The following SLC35F1 variants were observed in gnomAD, a reference collection of about 807,000 sequenced individuals.
SLC35F1 encodes the protein chromosome 6 open reading frame 169.
A neutral mutation model predicts 48.7 loss-of-function variants in SLC35F1; 14 were observed. The ratio of observed to expected loss-of-function variants is 0.29; its 90% CI spans 0.19 to 0.45. The LOEUF (loss-of-function observed/expected upper bound fraction) is 0.45, where lower values mean the gene tolerates loss of function less well. SLC35F1 is among the 20% of genes least tolerant of loss of function. The probability of loss-of-function intolerance (pLI) is 1.00; values close to 1 mark genes in which losing one functional copy is unlikely to be tolerated. For synonymous variants in SLC35F1, 190 were observed against 202.2 expected (o/e 0.94, Z 0.51); for missense variants, 404 against 500.0 (o/e 0.81, Z 1.83).
chr6:117,939,008 C>CT (rs576443846), intron 1 of SLC35F1, among the ~76,000 whole-genome samples: 73,362 of 132,058 alleles, frequency 0.56, 22,290 homozygotes, highest in South Asian at 0.81. Flanking sequence ...AATTCTTGTT[C>CT]TTTTTTTTTT....
chr6:117,946,593 A>C (rs541137481), intron 1 of SLC35F1, among the ~76,000 whole-genome samples: 1 of 152,340 alleles, frequency 6.6e-6, no homozygotes, highest in East Asian at 1.9e-4. Context: ...GACAACCTAC[A>C]TGTAAACTCT....
intron 2 of SLC35F1, among the ~76,000 whole-genome samples, chr6:118,212,722 G>GAAGGA (rs1196518520): frequency 3.6e-4 from 45 of 126,026 alleles, no homozygotes; most frequent in Non-Finnish European, 5.0e-4. Flanking sequence ...AGGAAGGAAG[G>GAAGGA]AAGGAAAGGA....
At position 117,992,903 on chromosome 6, in the gene SLC35F1, G is replaced by T. The variant is rs532389580; in HGVS notation, c.173+85004G>T. Among the ~76,000 whole-genome samples the T allele has an allele frequency of 2.0e-5, 3 of 152,274 alleles. No individual in the cohort carries two copies. In the East Asian group the frequency reaches 5.8e-4, roughly 29 times the overall value. On this transcript the variant is annotated intron_variant, in intron 1 of 7. Transcript: ENST00000360388. ...AGATAGGAATTTTGCAGATGGCATTGGGCCATGCTTCATTTCTGGTCAAAT... is the reference window on the plus strand; with the variant it reads ...AGATAGGAATTTTGCAGATGGCATTTGGCCATGCTTCATTTCTGGTCAAAT...
chr6:118,113,652 T>C (rs976876792), intron 1 of SLC35F1, among the ~76,000 whole-genome samples: 7 of 152,358 alleles, frequency 4.6e-5, no homozygotes, highest in Non-Finnish European at 1.0e-4. Context: ...CAGGCAAAGC[T>C]GACTTCACAG....
intron 2 of SLC35F1, among the ~76,000 whole-genome samples, chr6:118,166,487 T>C (rs910070786): frequency 2.6e-5 from 4 of 152,232 alleles, no homozygotes; most frequent in Non-Finnish European, 5.9e-5. Context: ...TCGGGATGAT[T>C]ATAGCACAGC....
chr6:118,304,778 T>A (rs1361639811), intron 7 of SLC35F1, among the ~76,000 whole-genome samples: 1 of 151,784 alleles, frequency 6.6e-6, no homozygotes, highest in Admixed American at 6.6e-5. Context: ...ATTATTGTCC[T>A]TAGTTAACTG....
intron 1 of SLC35F1, among the ~76,000 whole-genome samples, chr6:118,153,967 T>C (rs1774100505): frequency 6.6e-6 from 1 of 152,162 alleles, no homozygotes; most frequent in Non-Finnish European, 1.5e-5. Flanking sequence ...TTTCAATCTA[T>C]AAAGAAAAGA....
intron 2 of SLC35F1, among the ~76,000 whole-genome samples, chr6:118,220,778 A>G (rs993400437): frequency 1.3e-5 from 2 of 152,202 alleles, no homozygotes; most frequent in Non-Finnish European, 2.9e-5. Flanking sequence ...AGAAGTAAAT[A>G]AACATTTATA....
intron 1 of SLC35F1, among the ~76,000 whole-genome samples, chr6:118,057,089 A>G (rs1423625095): frequency 2.0e-5 from 3 of 152,164 alleles, no homozygotes; most frequent in Non-Finnish European, 4.4e-5. Context: ...TTTGGGAGTG[A>G]TTACCTCTGC....
At chr6:118,300,729 C>T (rs1413770942) in intron 7 of SLC35F1, among the ~76,000 whole-genome samples, 1 of 152,158 alleles carries the variant, frequency 6.6e-6, no homozygotes. Context: ...TATTTAAGAA[C>T]TCTTCACTCA....
intron 2 of SLC35F1, among the ~76,000 whole-genome samples, chr6:118,223,502 G>A (rs1441538473): frequency 6.6e-6 from 1 of 152,184 alleles, no homozygotes; most frequent in African/African-American, 2.4e-5. Context: ...GGTCTCTCTG[G>A]CTCCATGCTC....
At chr6:117,973,177 C>G (rs1776664958) in intron 1 of SLC35F1, among the ~76,000 whole-genome samples, 1 of 152,178 alleles carries the variant, frequency 6.6e-6, no homozygotes, top group Non-Finnish European at 1.5e-5. Context: ...CACCTTCTTG[C>G]TGTGCTTTCA....
intron 1 of SLC35F1, among the ~76,000 whole-genome samples, chr6:118,080,831 G>A (rs908066712): frequency 6.6e-6 from 1 of 152,178 alleles, no homozygotes; most frequent in East Asian, 1.9e-4. Flanking sequence ...AGCTCAGAGA[G>A]TAAGGCAGAA....
chr6:118,170,798 CAGTA>C (rs1249517872), intron 2 of SLC35F1, among the ~76,000 whole-genome samples: 5 of 151,996 alleles, frequency 3.3e-5, no homozygotes, highest in Non-Finnish European at 7.4e-5. Flanking sequence ...TGAATATAAA[CAGTA>C]AGTGTTTATG....
intron 1 of SLC35F1, among the ~76,000 whole-genome samples, chr6:118,075,230 T>A (rs1772801429): frequency 6.6e-6 from 1 of 152,228 alleles, no homozygotes; most frequent in Non-Finnish European, 1.5e-5. Flanking sequence ...TCAGAACATT[T>A]CTCACTTTTA....
intron 1 of SLC35F1, among the ~76,000 whole-genome samples, chr6:117,929,842 A>C (rs987561096): frequency 1.3e-5 from 2 of 152,198 alleles, no homozygotes; most frequent in African/African-American, 4.8e-5. Context: ...CCAAGCTGAC[A>C]CATAAAACGA....
intron 1 of SLC35F1, among the ~76,000 whole-genome samples, chr6:118,036,920 A>C (rs1364012262): frequency 6.6e-6 from 1 of 152,184 alleles, no homozygotes; most frequent in African/African-American, 2.4e-5. Context: ...TATGACCTCT[A>C]ACTGTGATTT....
intron 2 of SLC35F1, among the ~76,000 whole-genome samples, chr6:118,193,572 T>C (rs2114525554): frequency 6.6e-6 from 1 of 152,314 alleles, no homozygotes; most frequent in South Asian, 2.1e-4. Flanking sequence ...TTTCTAAAAA[T>C]ACATTTTACT....
Position 118,307,560 on chromosome 6 carries a change from C to T in SLC35F1, c.1003-6468C>T, listed in dbSNP as rs187917005. ...AAAGTATCTGAAAAAGCTCTGGTCT[C>T]TTCTGGCAATTTATTTCCAGTTCAG... On this transcript the variant is annotated intron_variant, in intron 7 of 7. Coordinates refer to ENST00000360388, the MANE Select transcript of SLC35F1 (RefSeq NM_001029858.4). 9.2e-5 allele frequency among the ~76,000 whole-genome samples: 14 copies of T among 152,276 alleles called. No homozygotes were observed. In the East Asian group the frequency reaches 2.5e-3, roughly 27 times the overall value.
Sources: allele counts gnomAD v4.1 joint callset (sites outside exome capture counted in the v4.1 genomes callset), GRCh38; gene constraint gnomAD v4.1.1; transcripts MANE v1.5; gene names NCBI Gene and HGNC (gene_info 2026-07-23, HGNC 2026-07-21).